The following EBF1 variants were observed in gnomAD, a reference collection of about 807,000 sequenced individuals.
The protein encoded by EBF1 is transcription factor COE1.
EBF1 carries 10 observed loss-of-function variants against 68.4 expected under a neutral mutation model. That is an observed-to-expected ratio of 0.15 (90% confidence interval 0.09 to 0.25). The LOEUF (loss-of-function observed/expected upper bound fraction) is 0.25, where lower values mean the gene tolerates loss of function less well. Ranked by LOEUF, EBF1 falls within the 10% of genes least tolerant of loss-of-function variation. The pLI, the probability that EBF1 is intolerant of heterozygous loss-of-function variation, is 1.00. For synonymous variants in EBF1, 298 were observed against 299.8 expected, an observed-to-expected ratio of 0.99 and a Z score of 0.06; for missense variants, 509 against 794.4, an observed-to-expected ratio of 0.64 and a Z score of 4.32.
intron 6 of EBF1, among the ~76,000 whole-genome samples, chr5:158,903,877 C>T (rs1803979297): frequency 6.6e-6 from 1 of 152,092 alleles, no homozygotes; most frequent in African/African-American, 2.4e-5. Flanking sequence ...TGAGGTAATC[C>T]TTCCCCACCC....
chr5:158,964,792 G>A (rs1753776541), intron 6 of EBF1, among the ~76,000 whole-genome samples: 1 of 152,148 alleles, frequency 6.6e-6, no homozygotes, highest in Non-Finnish European at 1.5e-5. Flanking sequence ...TTGGTACAGT[G>A]TTTACTCCAG....
intron 8 of EBF1, among the ~76,000 whole-genome samples, chr5:158,814,816 A>G (rs1783398622): frequency 6.6e-6 from 1 of 152,166 alleles, no homozygotes; most frequent in African/African-American, 2.4e-5. Context: ...CCCCACAGAA[A>G]ATATACTAGT....
chr5:159,021,378 C>T (rs1239831297), intron 6 of EBF1, among the ~76,000 whole-genome samples: 1 of 152,172 alleles, frequency 6.6e-6, no homozygotes, highest in African/African-American at 2.4e-5. Context: ...TTCTTAAAAA[C>T]GTGGTTTCCA....
chr5:158,700,511 T>TA lies in EBF1; in HGVS notation c.1745-1370dup, dbSNP rs76186329. 3.3e-3 allele frequency among the ~76,000 whole-genome samples: 431 copies of TA among 131,550 alleles called. 2 individuals carry two copies. The highest frequency in any genetic ancestry group is 6.1e-3 in the East Asian group (28 of 4,626). 86.3% of individuals were successfully genotyped at this position (131,550 alleles called of 152,430 possible). A position where few individuals can be genotyped will look rare whatever the true frequency, so the allele number is the denominator to read the frequency against. On this transcript the variant is annotated intron_variant, in intron 15 of 15. Transcript: ENST00000313708. ...TTACTATTCTGGAAGAATGTGCCTTTAAAAAAAAAAAAAAAAGCGAACCCC... is the reference window on the plus strand; with the variant it reads ...TTACTATTCTGGAAGAATGTGCCTTTAAAAAAAAAAAAAAAAAGCGAACCCC...
At chr5:159,056,603 C>G (rs747168531) in intron 6 of EBF1, among the ~76,000 whole-genome samples, 2 of 152,166 alleles carry the variant, frequency 1.3e-5, no homozygotes, top group Non-Finnish European at 2.9e-5. Flanking sequence ...AAACTGTACA[C>G]AAAAGTGGTT....
chr5:158,859,385 A>G (rs1384188241), intron 6 of EBF1, among the ~76,000 whole-genome samples: 1 of 152,148 alleles, frequency 6.6e-6, no homozygotes, highest in Non-Finnish European at 1.5e-5. Flanking sequence ...AAGACTTCCC[A>G]GATTTTCCCA....
At chr5:158,716,242 A>G (rs1760661274) in intron 11 of EBF1, among the ~76,000 whole-genome samples, 1 of 152,174 alleles carries the variant, frequency 6.6e-6, no homozygotes. Context: ...GAGTTTTTCA[A>G]TGACAAAATC....
intron 6 of EBF1, among the ~76,000 whole-genome samples, chr5:158,903,579 T>A (rs1175655131): frequency 2.0e-5 from 3 of 152,136 alleles, no homozygotes; most frequent in Non-Finnish European, 2.9e-5. Context: ...TAGATTTCTT[T>A]ATCTGCTATG....
At chr5:158,770,485 A>G (rs1295565183) in intron 10 of EBF1, among the ~76,000 whole-genome samples, 1 of 152,130 alleles carries the variant, frequency 6.6e-6, no homozygotes, top group Non-Finnish European at 1.5e-5. Context: ...AAAACTGTCC[A>G]TTGTTCTTAA....
intron 6 of EBF1, among the ~76,000 whole-genome samples, chr5:158,851,332 G>A (rs1310463776): frequency 7.3e-6 from 1 of 137,714 alleles, no homozygotes; most frequent in Non-Finnish European, 1.6e-5. Flanking sequence ...CTGAGACTGG[G>A]TGACAGAGTG....
At chr5:158,817,659 G>A (rs1374304778) in intron 8 of EBF1, among the ~76,000 whole-genome samples, 1 of 152,126 alleles carries the variant, frequency 6.6e-6, no homozygotes, top group Admixed American at 6.5e-5. Flanking sequence ...CATCTCTTCG[G>A]TTTTGGCATA....
chr5:158,854,124 G>A (rs1458479080), intron 6 of EBF1, among the ~76,000 whole-genome samples: 1 of 152,188 alleles, frequency 6.6e-6, no homozygotes, highest in Non-Finnish European at 1.5e-5. Flanking sequence ...AGAAGGGCCA[G>A]ACAAAACAAA....
At chr5:158,753,049 A>G (rs57256922) in intron 10 of EBF1, among the ~76,000 whole-genome samples, 21,587 of 152,116 alleles carry the variant, frequency 0.14, 1,682 homozygotes, top group Non-Finnish European at 0.17. Context: ...CAAAAATAAT[A>G]AAGCACAAAA....
At chr5:158,892,381 C>T (rs1582942119) in intron 6 of EBF1, among the ~76,000 whole-genome samples, 1 of 152,018 alleles carries the variant, frequency 6.6e-6, no homozygotes, top group Non-Finnish European at 1.5e-5. Context: ...CCCAGCTACT[C>T]GGGAAGCTGA....
intron 10 of EBF1, among the ~76,000 whole-genome samples, chr5:158,756,332 G>A (rs558055638): frequency 6.6e-6 from 1 of 151,932 alleles, no homozygotes; most frequent in Admixed American, 6.6e-5. Flanking sequence ...ATCTTGACCT[G>A]TGATCACAGG....
chr5:158,928,143 A>G (rs2127429429), intron 6 of EBF1, among the ~76,000 whole-genome samples: 1 of 152,228 alleles, frequency 6.6e-6, no homozygotes, highest in South Asian at 2.1e-4. Context: ...AAGGGTTCAA[A>G]TCCCTCCCAG....
chr5:158,901,889 G>A (rs142448170), intron 6 of EBF1, among the ~76,000 whole-genome samples: 3,149 of 152,230 alleles, frequency 0.021, 117 homozygotes, highest in African/African-American at 0.072. Context: ...CCAGGGGTTC[G>A]AGACCAGCCT....
At chr5:159,018,719 A>G (rs1309989057) in intron 6 of EBF1, among the ~76,000 whole-genome samples, 1 of 152,206 alleles carries the variant, frequency 6.6e-6, no homozygotes, top group East Asian at 1.9e-4. Flanking sequence ...CAAAAACTCT[A>G]TGATGTAAGA....
At chr5:158,956,489 A>G (rs1468195563) in intron 6 of EBF1, among the ~76,000 whole-genome samples, 1 of 151,874 alleles carries the variant, frequency 6.6e-6, no homozygotes, top group African/African-American at 2.4e-5. Context: ...GCACACACAC[A>G]CACGCACGCA....
Sources: gnomAD v4.1 joint callset for allele counts (sites outside exome capture counted in the v4.1 genomes callset) on GRCh38, gnomAD v4.1.1 for gene constraint, MANE v1.5 for transcripts, NCBI Gene and HGNC (gene_info 2026-07-23, HGNC 2026-07-21) for gene names.